The following L1TD1 variants were observed in gnomAD, a reference collection of about 807,000 sequenced individuals.
L1TD1 encodes LINE-1 type transposase domain-containing protein 1.
In L1TD1, 26 loss-of-function variants were observed where a neutral mutation model predicts 25.7. The observed-to-expected ratio is 1.01, with a 90% confidence interval of 0.74 to 1.40. The LOEUF (loss-of-function observed/expected upper bound fraction) is 1.40. Ranked by LOEUF, L1TD1 falls within the 40% of genes most tolerant of loss-of-function variation. L1TD1 has a pLI of 0.00. For synonymous variants in L1TD1, 421 were observed against 335.6 expected (o/e 1.25, Z -2.78); for missense variants, 1,130 against 975.0 (o/e 1.16, Z -2.12).
Position 62,210,582 on chromosome 1 carries a change from C to T in L1TD1, c.1808C>T (p.Thr603Ile), listed in dbSNP as rs1400573724. The T allele has an allele frequency of 1.2e-6, 2 of 1,612,880 alleles. No individual in the cohort carries two copies. The highest frequency in any genetic ancestry group is 1.7e-6 in the Non-Finnish European group (2 of 1,179,460). ...AGAACTCTGCACACAGAAGAACTAA[C>T]ATCCAAAGAAGCAGACTTAACAGAG... The part of the protein sequence containing the change: ...KHRTLHTEEL[T>I]SKEADLTEET... Residue 603 changes from threonine (T) to isoleucine (I), a missense_variant, in exon 4 of 4, where the codon ACA (threonine) becomes ATA (isoleucine). Thr to Ile is a moderately conservative substitution (Grantham distance 89). Coordinates refer to ENST00000498273, the MANE Select transcript of L1TD1 (RefSeq NM_019079.5).
chr1:62,197,397 TTATATATATA>T (rs10528649), intron 2 of L1TD1, among the ~76,000 whole-genome samples: 6,454 of 80,688 alleles, frequency 0.08, 261 homozygotes, highest in Admixed American at 0.13. Flanking sequence ...AAAAAATAAA[TTATATATATA>T]TATATATATA....
In L1TD1 at chr1:62,211,234, T is replaced by A; in HGVS notation, c.2460T>A (p.Asn820Lys). 6.4e-7 allele frequency: 1 copy of A among 1,574,062 alleles called. No individual in the cohort carries two copies. Among genetic ancestry groups the A allele is most frequent in the Non-Finnish European group, 8.6e-7 (1 of 1,158,868 alleles). The change falls in exon 4 of 4, where the codon AAT (asparagine) becomes AAA (lysine). Residue 820 changes from asparagine (N) to lysine (K), a missense_variant. Physicochemically the swap from Asn to Lys is moderately conservative, Grantham distance 94. Transcript: ENST00000498273. ...AAGTTCTGCTGGAAAAAGGCTTTAA[T>A]CCTAGAATCCTATATCCAGCCAAAA... ...VFKVLLEKGF[N>K]PRILYPAKMA...
chr1:62,211,381 G>A lies in L1TD1; in HGVS notation c.*9G>A, dbSNP rs1570933681. 5 of 1,560,130 alleles carry A rather than the reference G, an allele frequency of 3.2e-6. No homozygotes were observed. Among genetic ancestry groups the A allele is most frequent in the Non-Finnish European group, 3.5e-6 (4 of 1,156,924 alleles). ...GGAATAATATACCTTAGCACGCCAGGGTGACTACAAACAATATGCTTTCCT... is the reference window on the plus strand; with the variant it reads ...GGAATAATATACCTTAGCACGCCAGAGTGACTACAAACAATATGCTTTCCT... On this transcript the variant is annotated 3_prime_UTR_variant, in exon 4 of 4. Coordinates refer to ENST00000498273, the MANE Select transcript of L1TD1 (RefSeq NM_019079.5).
Position 62,210,208 on chromosome 1 carries a change from A to C in L1TD1, c.1434A>C (p.Ser478=). The C allele has an allele frequency of 4.3e-6, 7 of 1,613,828 alleles. No homozygotes were observed. Among genetic ancestry groups the C allele is most frequent in the Non-Finnish European group, 5.9e-6 (7 of 1,179,886 alleles). ...TTGACTCTGTAGAGGATTCTGAATC[A>C]GAGGAGGAAGAAGAAGGAAAGAGCT... is the stretch of plus-strand genomic sequence containing the variant. ...TFIDSVEDSE[S]EEEEEGKSSE... The change falls in exon 4 of 4, where the codon TCA becomes TCC. Residue 478 remains serine, a synonymous_variant. Coordinates refer to ENST00000498273, the MANE Select transcript of L1TD1 (RefSeq NM_019079.5).
chr1:62,196,265 C>T (rs1670537761), intron 1 of L1TD1, among the ~76,000 whole-genome samples, 170 bp from the exon 2 acceptor site: 1 of 152,210 alleles, frequency 6.6e-6, no homozygotes. Flanking sequence ...TCCTCCCATT[C>T]CCTGCAGCCC....
rs1398063100 is a variant in L1TD1, at chr1:62,206,655, A to G, written c.27A>G (p.Gln9=). The G allele has an allele frequency of 1.3e-6, 2 of 1,545,918 alleles. No homozygotes were observed. The highest frequency in any genetic ancestry group is 1.7e-6 in the Non-Finnish European group (2 of 1,145,264). The change falls in exon 3 of 4, where the codon CAA becomes CAG. Residue 9 remains glutamine, a synonymous_variant. Transcript: ENST00000498273. The stretch of plus-strand genomic sequence containing the variant: ...TGTCTGATGTATCTACTAGTGTACA[A>G]TCAAAATTTGCTAGACTTGCAAAGA... The part of the protein sequence containing the change: MSDVSTSV[Q]SKFARLAKKK...
rs1289162188 is a variant in L1TD1 at position 62,211,075 on chromosome 1, T to C, written c.2301T>C (p.Ser767=). Residue 767 remains serine (S), a synonymous_variant, in exon 4 of 4, where the codon TCT becomes TCC. Transcript: ENST00000498273. ...PRHILVKFWN[S]SDKEKIIRAS... ...ACATCTTGGTGAAATTTTGGAATTC[T>C]AGTGATAAAGAGAAAATAATAAGGG... 6.4e-7 allele frequency: 1 copy of C among 1,550,710 alleles called. No homozygotes were observed. The highest frequency in any genetic ancestry group is 1.4e-5 in the African/African-American group (1 of 72,984).
intron 2 of L1TD1, among the ~76,000 whole-genome samples, chr1:62,198,156 C>T (rs1377668530): frequency 6.6e-6 from 1 of 152,000 alleles, no homozygotes; most frequent in Non-Finnish European, 1.5e-5. Context: ...CCTTTATTGT[C>T]CTCCCATGCA....
chr1:62,196,934 G>C (rs562505799), intron 2 of L1TD1, among the ~76,000 whole-genome samples: 1 of 151,860 alleles, frequency 6.6e-6, no homozygotes, highest in Non-Finnish European at 1.5e-5. Flanking sequence ...AATGACCTTG[G>C]GTCTGATAAA....
At chr1:62,209,070 A>C (rs978784928) in intron 3 of L1TD1, among the ~76,000 whole-genome samples, 9 of 152,166 alleles carry the variant, frequency 5.9e-5, no homozygotes, top group Admixed American at 2.0e-4. Flanking sequence ...TATATTGCAG[A>C]CATCATCAGA....
intron 2 of L1TD1, among the ~76,000 whole-genome samples, chr1:62,205,557 G>GA (rs138007085): frequency 0.071 from 10,590 of 149,080 alleles, 493 homozygotes; most frequent in Admixed American, 0.13. Flanking sequence ...TCAGCCTCCT[G>GA]AGTAGCTGGT....
At chr1:62,196,150 AT>A (rs1247528704) in intron 1 of L1TD1, among the ~76,000 whole-genome samples, 1 of 152,210 alleles carries the variant, frequency 6.6e-6, no homozygotes, top group African/African-American at 2.4e-5. Context: ...TCTTGTTCAA[AT>A]TGCAAAAGGA....
intron 3 of L1TD1, 82 bp downstream of exon 3, chr1:62,207,718 T>C (rs1232157525): frequency 7.1e-7 from 1 of 1,401,940 alleles, no homozygotes; most frequent in Admixed American, 3.0e-5. Flanking sequence ...ATAAATCAAT[T>C]TTTTTTTTCT....
rs1447667211 is a variant in L1TD1, at chr1:62,205,441, A to AT, written c.-110-1077dup. Among the ~76,000 whole-genome samples, 294 of 53,824 alleles carry AT rather than the reference A, an allele frequency of 5.5e-3. 32 individuals carry two copies. The highest frequency in any genetic ancestry group is 7.9e-3 in the Non-Finnish European group (213 of 26,910). 35.3% of individuals were successfully genotyped at this position (53,824 alleles called of 152,430 possible). A position where few individuals can be genotyped will look rare whatever the true frequency, so the allele number is the denominator to read the frequency against. ...TCTATATATATATATATATATATATATATTTTTTTTTAGACAGTCTTGCTG... is the reference window on the plus strand; with the variant it reads ...TCTATATATATATATATATATATATATTATTTTTTTTTAGACAGTCTTGCTG... On this transcript the variant is annotated intron_variant, in intron 2 of 3. Coordinates refer to ENST00000498273, the MANE Select transcript of L1TD1 (RefSeq NM_019079.5).
rs1670863565 is a variant in L1TD1 at position 62,211,238 on chromosome 1, A to G, written c.2464A>G (p.Arg822Gly). The change falls in exon 4 of 4, where the codon AGA (arginine) becomes GGA (glycine). Residue 822 changes from arginine to glycine, a missense_variant. Transcript: ENST00000498273. ...TCTGCTGGAAAAAGGCTTTAATCCT[A>G]GAATCCTATATCCAGCCAAAATGGC... The part of the protein sequence containing the change: ...KVLLEKGFNP[R>G]ILYPAKMAFD... The G allele has an allele frequency of 6.3e-7, 1 of 1,579,712 alleles. No homozygotes were observed.
Position 62,209,896 on chromosome 1 carries a change from A to AC in L1TD1, c.1122_1123insC (p.Glu375ArgfsTer15), listed in dbSNP as rs1670824120. 5.0e-6 allele frequency: 8 copies of AC among 1,614,060 alleles called. No individual in the cohort carries two copies. Among genetic ancestry groups the AC allele is most frequent in the Non-Finnish European group, 6.8e-6 (8 of 1,180,036 alleles). On this transcript the variant is annotated frameshift_variant, in exon 4 of 4. Transcript: ENST00000498273. LOFTEE classifies it low-confidence loss of function (END_TRUNC). ...CTAAGCCAGAGGAGATGAAAAACTTAGAGACTCAAGAGGAAGAGTTTTCCG... is the reference window on the plus strand; with the variant it reads ...CTAAGCCAGAGGAGATGAAAAACTTACGAGACTCAAGAGGAAGAGTTTTCCG...
chr1:62,204,700 C>T (rs1670702730), intron 2 of L1TD1, among the ~76,000 whole-genome samples: 1 of 152,060 alleles, frequency 6.6e-6, no homozygotes, highest in South Asian at 2.1e-4. Flanking sequence ...CCGTGCCCTG[C>T]TTGAAATTCT....
At chr1:62,200,883 T>C (rs1231212104) in intron 2 of L1TD1, among the ~76,000 whole-genome samples, 12 of 152,182 alleles carry the variant, frequency 7.9e-5, no homozygotes, top group Non-Finnish European at 1.2e-4. Context: ...TTGTCTTTCC[T>C]AAAAATATTT....
chr1:62,208,885 T>C (rs1472578284), intron 3 of L1TD1, among the ~76,000 whole-genome samples: 1 of 152,216 alleles, frequency 6.6e-6, no homozygotes. Flanking sequence ...TGAGAATCCA[T>C]AAGGAAAAGG....
Sources: allele counts gnomAD v4.1 joint callset (sites outside exome capture counted in the v4.1 genomes callset), GRCh38; gene constraint gnomAD v4.1.1; transcripts MANE v1.5; gene names NCBI Gene and HGNC (gene_info 2026-07-23, HGNC 2026-07-21).